The following GALNT2 variants were observed in gnomAD, a reference collection of about 807,000 sequenced individuals.
GALNT2 encodes the protein polypeptide N-acetylgalactosaminyltransferase 2, also known as UDP-GalNAc:polypeptide N-acetylgalactosaminyltransferase 2.
Under a neutral mutation model 81.4 loss-of-function variants are expected in GALNT2, and 31 were observed. The observed-to-expected ratio is 0.38, with a 90% CI of 0.29 to 0.51. The LOEUF is 0.51. Ranked by LOEUF, GALNT2 falls within the 20% of genes least tolerant of loss-of-function variation. The pLI, the probability that GALNT2 is intolerant of heterozygous loss-of-function variation, is 0.87. For synonymous variants in GALNT2, 303 were observed against 287.4 expected, an observed-to-expected ratio of 1.05 and a Z score of -0.55; for missense variants, 629 against 765.7, an observed-to-expected ratio of 0.82 and a Z score of 2.11.
In GALNT2 at chr1:230,070,300, G is replaced by A. The variant is rs917927008; in HGVS notation, c.126+2894G>A. 2.6e-5 allele frequency among the ~76,000 whole-genome samples: 4 copies of A among 152,064 alleles called. No homozygotes were observed. In the East Asian group the frequency reaches 5.8e-4, roughly 22 times the overall value. On this transcript the variant is annotated intron_variant, in intron 1 of 15. Transcript: ENST00000366672. This position sits in a 1 kb window ranked among gnomAD's most constrained non-coding sequence, Gnocchi z 4.7. ...TAAATTGATGATTTGCACTTCAAGC[G>A]TGCCTTTCCTTTGAGCTTCTTAAAT... is the stretch of plus-strand genomic sequence containing the variant.
intron 3 of GALNT2, among the ~76,000 whole-genome samples, chr1:230,216,257 T>C (rs955324338): frequency 3.3e-5 from 5 of 152,222 alleles, no homozygotes; most frequent in African/African-American, 1.2e-4. Flanking sequence ...TTGTATATTT[T>C]AGGAAACAGT....
At position 230,275,824 on chromosome 1, in the gene GALNT2, C is replaced by A. The variant is rs554465145; in HGVS notation, c.1560+1260C>A. On this transcript the variant is annotated intron_variant, in intron 15 of 15. Transcript: ENST00000366672. This position sits in a 1 kb window ranked among gnomAD's most constrained non-coding sequence, Gnocchi z 5.5. ...CACATATATATACAAATATACATGC[C>A]ACATATATACATGTATATACATGCC... is the stretch of plus-strand genomic sequence containing the variant. 5.9e-4 allele frequency among the ~76,000 whole-genome samples: 89 copies of A among 150,246 alleles called. No individual in the cohort carries two copies. The highest frequency in any genetic ancestry group is 1.0e-3 in the Non-Finnish European group (70 of 67,650).
At chr1:230,120,184 C>T (rs1660971568) in intron 1 of GALNT2, among the ~76,000 whole-genome samples, 3 of 151,622 alleles carry the variant, frequency 2.0e-5, no homozygotes, top group Admixed American at 1.3e-4. Flanking sequence ...GGTGAGTGGG[C>T]GGTGTTAAAG....
At position 230,279,126 on chromosome 1, in the gene GALNT2, C is replaced by G. The variant is rs1277176375; in HGVS notation, c.1561-177C>G. Among the ~76,000 whole-genome samples the G allele has an allele frequency of 6.6e-6, 1 of 152,230 alleles. No individual in the cohort carries two copies. Among genetic ancestry groups the G allele is most frequent in the Admixed American group, 6.5e-5 (1 of 15,278 alleles). On this transcript the variant is annotated intron_variant, in intron 15 of 15. Transcript: ENST00000366672. The surrounding 1 kb of genome is among the most constrained non-coding windows in gnomAD (Gnocchi z 4.6). ...TTTCCTTCCTGGGTCCCAGCAGCAC[C>G]TGTGGCTGGTTTCCTGTGGGGCTGC... is the stretch of plus-strand genomic sequence containing the variant.
At chr1:230,110,017 C>T (rs560737469) in intron 1 of GALNT2, among the ~76,000 whole-genome samples, 3 of 152,258 alleles carry the variant, frequency 2.0e-5, no homozygotes, top group East Asian at 1.9e-4. Context: ...GGTGTACACC[C>T]GTCTGGGGTA....
At chr1:230,248,463 A>G (rs1054098893) in intron 8 of GALNT2, among the ~76,000 whole-genome samples, 1 of 152,138 alleles carries the variant, frequency 6.6e-6, no homozygotes. Context: ...AAGAGGCACT[A>G]TGTGTGTGAC....
chr1:230,097,085 G>A lies in GALNT2; in HGVS notation c.126+29679G>A, dbSNP rs1660274174. On this transcript the variant is annotated intron_variant, in intron 1 of 15. Transcript: ENST00000366672. ...ATGTCGCTTGACATTTCAGAATTCA[G>A]GCCCAGTATCATCGGTGCCCTCATA... is the stretch of plus-strand genomic sequence containing the variant. Among the ~76,000 whole-genome samples the A allele has an allele frequency of 2.0e-5, 3 of 152,248 alleles. No homozygotes were observed. In the South Asian group the frequency reaches 6.2e-4, roughly 32 times the overall value.
chr1:230,216,826 G>A (rs749781445), intron 3 of GALNT2, among the ~76,000 whole-genome samples: 28 of 152,002 alleles, frequency 1.8e-4, no homozygotes, highest in African/African-American at 6.0e-4. Flanking sequence ...TTATAGTAAC[G>A]ACTATCTTAA....
At chr1:230,105,182 C>G (rs113501263) in intron 1 of GALNT2, among the ~76,000 whole-genome samples, 89 of 152,312 alleles carry the variant, frequency 5.8e-4, no homozygotes, top group African/African-American at 2.0e-3. Context: ...GAGAGGTGCT[C>G]AGACCTCCTT....
At chr1:230,137,242 G>A (rs944424395) in intron 1 of GALNT2, among the ~76,000 whole-genome samples, 24 of 152,354 alleles carry the variant, frequency 1.6e-4, no homozygotes, top group African/African-American at 5.3e-4. Flanking sequence ...GATCTGTCCC[G>A]CTGCTCTGGG....
chr1:230,254,563 G>C (rs1416226321), intron 10 of GALNT2, among the ~76,000 whole-genome samples: 3 of 152,190 alleles, frequency 2.0e-5, no homozygotes, highest in Admixed American at 2.0e-4. Context: ...CTGGAGACTT[G>C]AGCCTGCTAA....
intron 3 of GALNT2, among the ~76,000 whole-genome samples, chr1:230,212,616 G>A (rs1261442869): frequency 2.6e-5 from 4 of 152,082 alleles, no homozygotes; most frequent in Admixed American, 1.3e-4. Flanking sequence ...CGAGATATAC[G>A]AGATGTGGGG....
chr1:230,190,104 A>C (rs1015401795), intron 2 of GALNT2, among the ~76,000 whole-genome samples: 1 of 152,248 alleles, frequency 6.6e-6, no homozygotes, highest in African/African-American at 2.4e-5. Flanking sequence ...CAGTGTTGTC[A>C]TAAGGAAAAT....
chr1:230,081,350 TCC>T (rs1659722506), intron 1 of GALNT2, among the ~76,000 whole-genome samples: 1 of 152,196 alleles, frequency 6.6e-6, no homozygotes, highest in African/African-American at 2.4e-5. Context: ...ATTTCCCAAT[TCC>T]ACCCTTAATC....
chr1:230,161,460 G>C (rs1662435250), intron 1 of GALNT2, among the ~76,000 whole-genome samples: 1 of 152,236 alleles, frequency 6.6e-6, no homozygotes, highest in Non-Finnish European at 1.5e-5. Context: ...CCAGCTGTCT[G>C]TGCAGACGTG....
chr1:230,067,425 C>A lies in GALNT2; in HGVS notation c.126+19C>A. 12 of 1,091,692 alleles carry A rather than the reference C, an allele frequency of 1.1e-5. No individual in the cohort carries two copies. The highest frequency in any genetic ancestry group is 1.4e-5 in the Non-Finnish European group (12 of 864,316). 67.6% of individuals were successfully genotyped at this position (1,091,692 alleles called of 1,614,324 possible). A position where few individuals can be genotyped will look rare whatever the true frequency, so the allele number is the denominator to read the frequency against. ...CAGGAAGGTGAGTGGAGCGCCCTGC[C>A]GCGGCCGGGCCCCTGCGCCCACCCC... On this transcript the variant is annotated intron_variant, in intron 1 of 15. Transcript: ENST00000366672.
chr1:230,113,269 A>G (rs1660754570), intron 1 of GALNT2, among the ~76,000 whole-genome samples: 1 of 152,042 alleles, frequency 6.6e-6, no homozygotes, highest in African/African-American at 2.4e-5. Context: ...GGAGCTGCTG[A>G]AAAAGGGTGA....
intron 1 of GALNT2, among the ~76,000 whole-genome samples, chr1:230,090,816 G>T (rs535780846): frequency 4.6e-5 from 7 of 152,220 alleles, no homozygotes; most frequent in African/African-American, 1.7e-4. Context: ...GAGACCCTTG[G>T]GCTATCTCAG....
At chr1:230,174,375 A>C (rs1467251423) in intron 1 of GALNT2, among the ~76,000 whole-genome samples, 2 of 152,004 alleles carry the variant, frequency 1.3e-5, no homozygotes, top group Admixed American at 6.5e-5. Context: ...AGCTTTAATT[A>C]CCCGGGGCCT....
Sources: allele counts gnomAD v4.1 joint callset (sites outside exome capture counted in the v4.1 genomes callset), GRCh38; gene constraint gnomAD v4.1.1; non-coding constraint Gnocchi (gnomAD v3.1); transcripts MANE v1.5; gene names NCBI Gene and HGNC (gene_info 2026-07-23, HGNC 2026-07-21).